Variants in NR3C2 observed in about 807,000 individuals in gnomAD.
The protein encoded by NR3C2 is nuclear receptor subfamily 3 group C member 2.
In NR3C2, 15 loss-of-function variants were observed where a neutral mutation model predicts 86.4. That is an observed-to-expected ratio of 0.17 (90% CI 0.12 to 0.27). NR3C2 has a LOEUF of 0.27. Ranked by LOEUF, NR3C2 falls within the 10% of genes least tolerant of loss-of-function variation. The pLI is 1.00. For missense variants in NR3C2, 960 were observed against 1,195.6 expected, an observed-to-expected ratio of 0.80 and a Z score of 2.91; for synonymous variants, 458 against 450.5, an observed-to-expected ratio of 1.02 and a Z score of -0.21.
At chr4:148,198,430 A>T (rs1442523268) in intron 3 of NR3C2, among the ~76,000 whole-genome samples, 1 of 152,172 alleles carries the variant, frequency 6.6e-6, no homozygotes, top group African/African-American at 2.4e-5. Context: ...AAGCGTCAAT[A>T]GCATAAGAAC....
intron 4 of NR3C2, among the ~76,000 whole-genome samples, chr4:148,160,457 C>T (rs138995837): frequency 4.0e-4 from 61 of 152,156 alleles, no homozygotes; most frequent in African/African-American, 1.3e-3. Context: ...CTGTTGTGGC[C>T]GAATGATGGC....
intron 2 of NR3C2, among the ~76,000 whole-genome samples, chr4:148,409,032 A>C (rs1178086644): frequency 6.6e-6 from 1 of 152,170 alleles, no homozygotes; most frequent in African/African-American, 2.4e-5. Flanking sequence ...TAATACTGCA[A>C]TGAATTGTTG....
intron 4 of NR3C2, among the ~76,000 whole-genome samples, chr4:148,156,322 G>A (rs920817145): frequency 6.6e-6 from 1 of 152,126 alleles, no homozygotes; most frequent in Non-Finnish European, 1.5e-5. Flanking sequence ...AGAGTGAACA[G>A]GCAACCTACA....
intron 2 of NR3C2, among the ~76,000 whole-genome samples, chr4:148,427,573 C>T (rs1749606663): frequency 1.3e-5 from 2 of 151,510 alleles, no homozygotes; most frequent in African/African-American, 4.9e-5. Flanking sequence ...TGTCCGAACC[C>T]CAGCAGGGTG....
chr4:148,355,369 C>T (rs1429809095), intron 2 of NR3C2, among the ~76,000 whole-genome samples: 1 of 152,174 alleles, frequency 6.6e-6, no homozygotes, highest in Non-Finnish European at 1.5e-5. Flanking sequence ...TTGCATTTAT[C>T]ATAATGTTTC....
chr4:148,323,902 C>T (rs1171166476), intron 2 of NR3C2, among the ~76,000 whole-genome samples: 1 of 152,110 alleles, frequency 6.6e-6, no homozygotes, highest in East Asian at 1.9e-4. Context: ...TTGGCTCCTC[C>T]CCTCTATCTC....
intron 6 of NR3C2, among the ~76,000 whole-genome samples, chr4:148,147,117 A>G (rs1316843939): frequency 6.6e-6 from 1 of 152,206 alleles, no homozygotes; most frequent in East Asian, 1.9e-4. Context: ...TAATAAGAAA[A>G]GTTCTATGTT....
intron 6 of NR3C2, among the ~76,000 whole-genome samples, chr4:148,145,339 C>T (rs1336306248): frequency 6.6e-5 from 10 of 152,094 alleles, no homozygotes; most frequent in Admixed American, 5.9e-4. Flanking sequence ...GACAGCCCAC[C>T]CCAAGGGAAG....
intron 3 of NR3C2, among the ~76,000 whole-genome samples, chr4:148,222,595 C>T (rs1339257241): frequency 1.3e-5 from 2 of 152,158 alleles, no homozygotes; most frequent in African/African-American, 4.8e-5. Context: ...TTATTAACAA[C>T]TGAATTGCTG....
chr4:148,106,374 A>G (rs1388394840), intron 8 of NR3C2, among the ~76,000 whole-genome samples: 1 of 152,226 alleles, frequency 6.6e-6, no homozygotes, highest in Non-Finnish European at 1.5e-5. Flanking sequence ...GGACACAAAC[A>G]AACGGAAAAA....
chr4:148,215,216 C>A lies in NR3C2; in HGVS notation c.1898-20354G>T, dbSNP rs72653887. ...ACAGGCATGTCCCTGAATGGTGTTA[C>A]CCTTATGTCCTTGGGATTCACAGCT... On this transcript the variant is annotated intron_variant, in intron 3 of 8. Transcript: ENST00000358102. Among the ~76,000 whole-genome samples the A allele has an allele frequency of 7.0e-3, 1,069 of 152,314 alleles. 14 individuals carry two copies. The highest frequency in any genetic ancestry group is 0.024 in the African/African-American group (1,006 of 41,556).
chr4:148,350,877 C>A (rs1461804698), intron 2 of NR3C2, among the ~76,000 whole-genome samples: 1 of 152,122 alleles, frequency 6.6e-6, no homozygotes, highest in Non-Finnish European at 1.5e-5. Flanking sequence ...TTCTATTATT[C>A]TTTTTCCCAT....
chr4:148,317,512 A>G (rs900350197), intron 2 of NR3C2, among the ~76,000 whole-genome samples: 23 of 152,148 alleles, frequency 1.5e-4, no homozygotes, highest in Non-Finnish European at 2.4e-4. Context: ...ACCTATTTTG[A>G]ACAACTTATA....
At chr4:148,417,407 T>C (rs962041619) in intron 2 of NR3C2, among the ~76,000 whole-genome samples, 7 of 152,228 alleles carry the variant, frequency 4.6e-5, no homozygotes, top group African/African-American at 7.2e-5. Context: ...TTTTTCTCAA[T>C]TGAGGTTCTC....
intron 4 of NR3C2, among the ~76,000 whole-genome samples, chr4:148,184,509 T>C (rs1009620322): frequency 2.6e-5 from 4 of 151,948 alleles, no homozygotes; most frequent in African/African-American, 4.8e-5. Context: ...TAGTAACCAA[T>C]AGTAACCATA....
intron 6 of NR3C2, among the ~76,000 whole-genome samples, chr4:148,136,467 T>C (rs1420698206): frequency 3.3e-5 from 5 of 151,960 alleles, no homozygotes; most frequent in African/African-American, 1.2e-4. Flanking sequence ...TTTGACAGCT[T>C]CAACTCTGGA....
In NR3C2 at chr4:148,154,451, A is replaced by G. The variant is rs998095794; in HGVS notation, c.2365+100T>C. 2.8e-6 allele frequency: 3 copies of G among 1,088,238 alleles called. No homozygotes were observed. The South Asian group carries it at 3.8e-5, about 14-fold the overall frequency. The allele number at this position is 1,088,238 out of a possible 1,614,324, so 67.4% of individuals were successfully genotyped here. A position where few individuals can be genotyped will look rare whatever the true frequency, so the allele number is the denominator to read the frequency against. Reference sequence around the variant, plus strand: ...TTAAAAAATCTGATATCAGGATTTCATAGAACGCAAACTCCTCCTGCATGG... The same window carrying G: ...TTAAAAAATCTGATATCAGGATTTCGTAGAACGCAAACTCCTCCTGCATGG... On this transcript the variant is annotated intron_variant, in intron 5 of 8. Coordinates refer to ENST00000358102, the MANE Select transcript of NR3C2 (RefSeq NM_000901.5).
chr4:148,441,678 C>G (rs1750345498), intron 1 of NR3C2, among the ~76,000 whole-genome samples: 1 of 152,184 alleles, frequency 6.6e-6, no homozygotes, highest in Admixed American at 6.5e-5. Context: ...TCAAGAGTTT[C>G]GCGAATGCTA....
intron 2 of NR3C2, among the ~76,000 whole-genome samples, chr4:148,322,952 G>A (rs201261178): frequency 0.27 from 38,861 of 143,706 alleles, 6,381 homozygotes; most frequent in East Asian, 0.51. Flanking sequence ...GAGGAGAGGC[G>A]CTCTGCTGTT....
Sources: allele counts gnomAD v4.1 joint callset (sites outside exome capture counted in the v4.1 genomes callset), GRCh38; gene constraint gnomAD v4.1.1; transcripts MANE v1.5; gene names NCBI Gene and HGNC (gene_info 2026-07-23, HGNC 2026-07-21).